Variants in HECW2 observed in about 807,000 individuals in gnomAD.
HECW2 encodes the protein HECT, C2 and WW domain containing E3 ubiquitin protein ligase 2.
HECW2 carries 61 observed loss-of-function variants against 175.2 expected under a neutral mutation model. The ratio of observed to expected loss-of-function variants is 0.35; its 90% CI spans 0.28 to 0.43. The LOEUF is 0.43. HECW2 is among the 20% of genes least tolerant of loss of function. HECW2 has a pLI of 1.00. For missense variants in HECW2, 1,524 were observed against 2,000.5 expected (o/e 0.76, Z 4.54); for synonymous variants, 671 against 731.0 (o/e 0.92, Z 1.32).
Position 196,391,019 on chromosome 2 carries a change from C to T in HECW2, c.292+42113G>A, listed in dbSNP as rs1221154521. ...CACTCTGCTCTCTGCCCTGGGAAAC[C>T]GACCTATAGGTACTGCATCACTGAG... On this transcript the variant is annotated intron_variant, in intron 2 of 28. Transcript: ENST00000644978. Among the ~76,000 whole-genome samples the T allele has an allele frequency of 1.3e-5, 2 of 152,108 alleles. 1 individual carries two copies. The highest frequency in any genetic ancestry group is 4.1e-4 in the South Asian group (2 of 4,828).
At chr2:196,494,328 C>T (rs1687304476) in intron 1 of HECW2, among the ~76,000 whole-genome samples, 1 of 152,140 alleles carries the variant, frequency 6.6e-6, no homozygotes, top group South Asian at 2.1e-4. Context: ...ACCAGACCAT[C>T]ATATTAAGAA....
intron 28 of HECW2, 29 bp downstream of exon 28, chr2:196,215,836 C>T (rs778845144): frequency 1.4e-6 from 2 of 1,434,000 alleles, no homozygotes; most frequent in South Asian, 2.3e-5. Context: ...AATGTTGTGA[C>T]AGTAAAGAAA....
intron 1 of HECW2, among the ~76,000 whole-genome samples, chr2:196,452,146 A>G (rs1052914051): frequency 1.3e-5 from 2 of 152,184 alleles, no homozygotes; most frequent in Admixed American, 6.6e-5. Flanking sequence ...ACATGTGGCT[A>G]TTGATCATTT....
intron 1 of HECW2, among the ~76,000 whole-genome samples, chr2:196,487,425 C>T (rs1352739632): frequency 6.6e-6 from 1 of 152,190 alleles, no homozygotes. Context: ...GATGATAATG[C>T]TCAAGTTAGA....
At chr2:196,234,250 G>A (rs554868990) in intron 21 of HECW2, among the ~76,000 whole-genome samples, 12 of 151,332 alleles carry the variant, frequency 7.9e-5, no homozygotes, top group South Asian at 4.2e-4. Context: ...GTGGCCCCAC[G>A]CCTTATCAGA....
At chr2:196,362,750 G>A (rs1374909077) in intron 2 of HECW2, among the ~76,000 whole-genome samples, 1 of 152,182 alleles carries the variant, frequency 6.6e-6, no homozygotes, top group Non-Finnish European at 1.5e-5. Flanking sequence ...AAGAGTTGGG[G>A]TAGGGAAATC....
chr2:196,479,746 A>T (rs1330714407), intron 1 of HECW2, among the ~76,000 whole-genome samples: 1 of 152,078 alleles, frequency 6.6e-6, no homozygotes, highest in African/African-American at 2.4e-5. Flanking sequence ...CCCTGACCCA[A>T]GAGCTCTGAG....
At chr2:196,502,540 T>A (rs1266757195) in intron 1 of HECW2, among the ~76,000 whole-genome samples, 4 of 152,220 alleles carry the variant, frequency 2.6e-5, no homozygotes, top group Admixed American at 1.3e-4. Flanking sequence ...TGCAATTGAT[T>A]ATGCACACTC....
intron 2 of HECW2, among the ~76,000 whole-genome samples, chr2:196,375,573 C>A (rs1015623018): frequency 6.6e-6 from 1 of 152,142 alleles, no homozygotes; most frequent in Non-Finnish European, 1.5e-5. Context: ...GAAGTGGTAA[C>A]CTTTTTCAAA....
intron 1 of HECW2, among the ~76,000 whole-genome samples, chr2:196,494,640 T>C (rs989245197): frequency 1.3e-5 from 2 of 152,210 alleles, no homozygotes; most frequent in African/African-American, 4.8e-5. Flanking sequence ...GTGTTCAAGA[T>C]ACTTGTAAAA....
intron 2 of HECW2, among the ~76,000 whole-genome samples, chr2:196,414,104 G>A (rs1695189911): frequency 6.6e-6 from 1 of 152,190 alleles, no homozygotes; most frequent in African/African-American, 2.4e-5. Context: ...TGCTGCTTTT[G>A]AGTGAAATGC....
At chr2:196,562,160 A>G (rs1690023605) in intron 1 of HECW2, among the ~76,000 whole-genome samples, 1 of 152,220 alleles carries the variant, frequency 6.6e-6, no homozygotes, top group African/African-American at 2.4e-5. Context: ...CAGAATATCC[A>G]AAGACAATGA....
chr2:196,344,993 T>C (rs571792811), intron 2 of HECW2, among the ~76,000 whole-genome samples: 65 of 152,280 alleles, frequency 4.3e-4, no homozygotes, highest in African/African-American at 1.6e-3. Context: ...TTTCATCATA[T>C]TGAAAAGCCA....
chr2:196,280,454 C>T (rs1690144152), intron 14 of HECW2, among the ~76,000 whole-genome samples: 1 of 152,160 alleles, frequency 6.6e-6, no homozygotes, highest in Admixed American at 6.5e-5. Context: ...AACATTTTTA[C>T]ATCTTTATAA....
At position 196,338,110 on chromosome 2, in the gene HECW2, T is replaced by G. The variant is rs182026361; in HGVS notation, c.401-3592A>C. Among the ~76,000 whole-genome samples the G allele has an allele frequency of 1.6e-3, 242 of 152,188 alleles. 1 individual carries two copies. The highest frequency in any genetic ancestry group is 5.6e-3 in the African/African-American group (233 of 41,516). ...CCCTCTACCATGGGTTGGAGGGTGG[T>G]CATTTGTGAGACGTCACTTTGGGCA... On this transcript the variant is annotated intron_variant, in intron 3 of 28. Coordinates refer to ENST00000644978, the MANE Select transcript of HECW2 (RefSeq NM_001348768.2).
At chr2:196,575,290 T>C (rs149791649) in intron 1 of HECW2, among the ~76,000 whole-genome samples, 1 of 152,120 alleles carries the variant, frequency 6.6e-6, no homozygotes, top group East Asian at 1.9e-4. Flanking sequence ...TTGGAGAAAA[T>C]GGAACTCTGG....
At chr2:196,353,691 G>C (rs769024150) in intron 2 of HECW2, among the ~76,000 whole-genome samples, 2 of 152,252 alleles carry the variant, frequency 1.3e-5, no homozygotes, top group Non-Finnish European at 2.9e-5. Context: ...CCGTGATTCA[G>C]AGTGAGAACC....
At chr2:196,519,157 T>C (rs1401987500) in intron 1 of HECW2, among the ~76,000 whole-genome samples, 2 of 152,204 alleles carry the variant, frequency 1.3e-5, no homozygotes, top group East Asian at 3.8e-4. Flanking sequence ...ACCTCCATGC[T>C]ATAGGTGAGG....
At chr2:196,232,010 C>G (rs1456432896) in intron 21 of HECW2, among the ~76,000 whole-genome samples, 1 of 151,922 alleles carries the variant, frequency 6.6e-6, no homozygotes, top group Non-Finnish European at 1.5e-5. Context: ...AAAAATCTAG[C>G]TTACAATATC....
Sources: gnomAD v4.1 joint callset for allele counts (sites outside exome capture counted in the v4.1 genomes callset) on GRCh38, gnomAD v4.1.1 for gene constraint, MANE v1.5 for transcripts, NCBI Gene and HGNC (gene_info 2026-07-23, HGNC 2026-07-21) for gene names.